Variants in C1GALT1 observed in about 807,000 individuals in gnomAD.
C1GALT1 encodes the protein core 1 synthase, glycoprotein-N-acetylgalactosamine 3-beta-galactosyltransferase 1.
A neutral mutation model predicts 31.0 loss-of-function variants in C1GALT1; 11 were observed. The observed-to-expected ratio is 0.36, with a 90% CI of 0.22 to 0.59. C1GALT1 has a LOEUF of 0.59. Among genes scored for constraint, C1GALT1 ranks in the 20% least tolerant of loss-of-function variants. The pLI is 0.79. For synonymous variants in C1GALT1, 175 were observed against 143.6 expected (o/e 1.22, Z -1.56); for missense variants, 424 against 425.2 (o/e 1.00, Z 0.03).
rs17165546 is a variant in C1GALT1, at chr7:7,243,870, T to A, written c.*143T>A. The A allele has an allele frequency of 1.5e-3, 852 of 586,644 alleles. 7 individuals carry two copies. The African/African-American group carries it at 0.015, about 10-fold the overall frequency. The allele number at this position is 586,644 out of a possible 1,614,324, so 36.3% of individuals were successfully genotyped here. The stretch of plus-strand genomic sequence containing the variant: ...TAGAAACCTTTCACATGAATGACTA[T>A]AAACTGAAGCTTTAAATGAGCTGTG... On this transcript the variant is annotated 3_prime_UTR_variant, in exon 4 of 4. Coordinates refer to ENST00000436587, the MANE Select transcript of C1GALT1 (RefSeq NM_020156.5).
chr7:7,196,824 G>A (rs1269697906), intron 1 of C1GALT1, among the ~76,000 whole-genome samples: 3 of 152,148 alleles, frequency 2.0e-5, no homozygotes, highest in African/African-American at 7.2e-5. Flanking sequence ...GTGATGATGA[G>A]CATTTTTTCA....
In C1GALT1 at chr7:7,243,731, A is replaced by C; in HGVS notation, c.*4A>C. 1 of 1,584,998 alleles carries C rather than the reference A, an allele frequency of 6.3e-7. No individual in the cohort carries two copies. The highest frequency in any genetic ancestry group is 8.6e-7 in the Non-Finnish European group (1 of 1,163,756). On this transcript the variant is annotated 3_prime_UTR_variant, in exon 4 of 4. Transcript: ENST00000436587. ...AGTGAAGTTAGGAAATCCTTGAAAG[A>C]AAATCATGAATGAACAAAGGTAATA...
upstream of C1GALT1, among the ~76,000 whole-genome samples, chr7:7,182,003 T>C (rs867398502): frequency 2.4e-4 from 37 of 152,226 alleles, no homozygotes; most frequent in African/African-American, 8.4e-4. Flanking sequence ...AAAGACGAAA[T>C]GTGCCTATAG....
chr7:7,219,836 A>G (rs956867338), intron 1 of C1GALT1, among the ~76,000 whole-genome samples: 3 of 152,144 alleles, frequency 2.0e-5, no homozygotes, highest in African/African-American at 7.2e-5. Flanking sequence ...GTGGAATTGT[A>G]TATGAAATTG....
At chr7:7,186,491 C>T (rs984918876) in intron 1 of C1GALT1, among the ~76,000 whole-genome samples, 2 of 152,192 alleles carry the variant, frequency 1.3e-5, no homozygotes, top group African/African-American at 4.8e-5. Context: ...CAGGCTCCAT[C>T]CCAGAACTCT....
Position 7,247,734 on chromosome 7 carries a change from G to C in C1GALT1, c.*4007G>C, listed in dbSNP as rs1483356257. 2 of 151,824 alleles carry C rather than the reference G, an allele frequency of 1.3e-5. No homozygotes were observed. The highest frequency in any genetic ancestry group is 2.9e-5 in the Non-Finnish European group (2 of 67,856). The allele number at this position is 151,824 out of a possible 1,614,324, so 9.4% of individuals were successfully genotyped here. A position where few individuals can be genotyped will look rare whatever the true frequency, so the allele number is the denominator to read the frequency against. ...TGCCTGGTGTTTATTGCCCTTCTTT[G>C]TTTGCTTTATTACTAACTTCCATTT... On this transcript the variant is annotated 3_prime_UTR_variant, in exon 4 of 4. Coordinates refer to ENST00000436587, the MANE Select transcript of C1GALT1 (RefSeq NM_020156.5).
chr7:7,196,996 C>T (rs941888125), intron 1 of C1GALT1, among the ~76,000 whole-genome samples: 14 of 151,956 alleles, frequency 9.2e-5, no homozygotes, highest in African/African-American at 2.4e-4. Flanking sequence ...GTAGGTTGCC[C>T]GTTCACTCTG....
chr7:7,197,258 A>T (rs552400663), intron 1 of C1GALT1, among the ~76,000 whole-genome samples: 1 of 150,676 alleles, frequency 6.6e-6, no homozygotes, highest in East Asian at 2.0e-4. Context: ...CTTTCTACAT[A>T]TGGCTAGCCA....
intron 2 of C1GALT1, among the ~76,000 whole-genome samples, chr7:7,235,694 A>G (rs1262001082): frequency 6.6e-6 from 1 of 152,164 alleles, no homozygotes; most frequent in African/African-American, 2.4e-5. Flanking sequence ...TACTCCCTTC[A>G]GACTCAGCAT....
intron 1 of C1GALT1, among the ~76,000 whole-genome samples, chr7:7,221,327 G>A (rs1446556316): frequency 1.3e-5 from 2 of 151,892 alleles, no homozygotes; most frequent in South Asian, 4.1e-4. Context: ...GGAGTCTTTT[G>A]TCTTCTGATT....
In C1GALT1 at chr7:7,211,245, A is replaced by G. The variant is rs570184756; in HGVS notation, c.-17-23058A>G. Among the ~76,000 whole-genome samples, 14 of 152,312 alleles carry G rather than the reference A, an allele frequency of 9.2e-5. No homozygotes were observed. In the South Asian group the frequency reaches 2.9e-3, roughly 32 times the overall value. On this transcript the variant is annotated intron_variant, in intron 1 of 3. Transcript: ENST00000436587. ...TAAACAAGAGAAGGCTTAAAAAAGG[A>G]GTTAACCAATTCCTTAAGGAAGACT...
intron 2 of C1GALT1, chr7:7,235,249 AATAAT>A (rs763617420): frequency 6.6e-6 from 1 of 152,214 alleles, no homozygotes; most frequent in Non-Finnish European, 1.5e-5. Context: ...TTTGACAGAA[AATAAT>A]ATAAGTAGCT....
intron 2 of C1GALT1, among the ~76,000 whole-genome samples, chr7:7,174,204 A>T (rs1583731184): frequency 6.6e-6 from 1 of 152,076 alleles, no homozygotes; most frequent in Non-Finnish European, 1.5e-5. Context: ...TTCCTTAGAG[A>T]CCCCATCTCC....
chr7:7,233,273 T>A (rs1783174486), intron 1 of C1GALT1, among the ~76,000 whole-genome samples: 1 of 151,678 alleles, frequency 6.6e-6, no homozygotes, highest in African/African-American at 2.4e-5. Context: ...AACTTTTTCT[T>A]TTTTTTTTCT....
chr7:7,204,106 T>G (rs1335857234), intron 1 of C1GALT1, among the ~76,000 whole-genome samples: 1 of 122,852 alleles, frequency 8.1e-6, no homozygotes, highest in Non-Finnish European at 1.7e-5. Flanking sequence ...TGTTTTTTTT[T>G]TTTTGTTTTT....
At chr7:7,228,029 A>C (rs1782879646) in intron 1 of C1GALT1, among the ~76,000 whole-genome samples, 1 of 152,056 alleles carries the variant, frequency 6.6e-6, no homozygotes, top group African/African-American at 2.4e-5. Context: ...TGCTAGTGTG[A>C]CTCTCTGTGT....
rs1256699956 is a variant in C1GALT1, at chr7:7,238,476, A to G, written c.442A>G (p.Ile148Val). Residue 148 changes from isoleucine to valine, a missense_variant, in exon 3 of 4, where the codon ATT becomes GTT. Ile to Val is a conservative substitution (Grantham distance 29, BLOSUM62 3). Around this residue, in one of 3 missense-constraint regions of C1GALT1, gnomAD observed 44 missense variants for 78.3 expected, o/e 0.56. Coordinates refer to ENST00000436587, the MANE Select transcript of C1GALT1 (RefSeq NM_020156.5). This position sits in a 1 kb window ranked among gnomAD's most constrained non-coding sequence, Gnocchi z 5.2. Reference protein sequence around the residue: ...EGRDQLYWKTIKAFQYVHEHY... With the variant: ...EGRDQLYWKTVKAFQYVHEHY... The stretch of plus-strand genomic sequence containing the variant: ...CAGAGATCAACTATACTGGAAAACA[A>G]TTAAAGCTTTTCAGTATGTTCATGA... 8.1e-6 allele frequency: 13 copies of G among 1,613,916 alleles called. No homozygotes were observed. Among genetic ancestry groups the G allele is most frequent in the South Asian group, 1.1e-5 (1 of 91,042 alleles).
intron 1 of C1GALT1, among the ~76,000 whole-genome samples, chr7:7,198,660 G>A: frequency 6.6e-6 from 1 of 152,116 alleles, no homozygotes; most frequent in African/African-American, 2.4e-5. Flanking sequence ...AATCCATCTG[G>A]TCCTGGACTT....
At chr7:7,157,396 T>A (rs1017157665) in exon 2 of C1GALT1, 2 of 152,354 alleles carry the variant, frequency 1.3e-5, no homozygotes, top group African/African-American at 4.8e-5. Flanking sequence ...CTCATGGGGA[T>A]GTTTTTTCAG....
Sources: allele counts gnomAD v4.1 joint callset (sites outside exome capture counted in the v4.1 genomes callset), GRCh38; gene constraint gnomAD v4.1.1; regional missense constraint gnomAD v4.1.1; non-coding constraint Gnocchi (gnomAD v3.1); transcripts MANE v1.5; gene names NCBI Gene and HGNC (gene_info 2026-07-23, HGNC 2026-07-21).